Variants in SLC24A2 observed in about 807,000 individuals in gnomAD.
The protein encoded by SLC24A2 is sodium/potassium/calcium exchanger 2.
SLC24A2 carries 36 observed loss-of-function variants against 62.0 expected under a neutral mutation model. The ratio of observed to expected loss-of-function variants is 0.58; its 90% CI spans 0.44 to 0.77. SLC24A2 has a LOEUF of 0.77. SLC24A2 is among the 30% of genes least tolerant of loss of function. SLC24A2 has a pLI of 0.00. For synonymous variants in SLC24A2, 358 were observed against 294.0 expected (o/e 1.22, Z -2.23); for missense variants, 846 against 817.9 (o/e 1.03, Z -0.42).
At chr9:19,875,184 C>T in the SLC24A2 span, among the ~76,000 whole-genome samples, 1 of 152,130 alleles carries the variant, frequency 6.6e-6, no homozygotes, top group African/African-American at 2.4e-5. Flanking sequence ...ACAAGCTTTC[C>T]TTTTCTCTCT....
At chr9:19,917,695 A>T in the SLC24A2 span, among the ~76,000 whole-genome samples, 1 of 152,116 alleles carries the variant, frequency 6.6e-6, no homozygotes, top group African/African-American at 2.4e-5. Context: ...AATACTTAAC[A>T]AACGTTTCAA....
At chr9:20,230,628 T>C in the SLC24A2 span, among the ~76,000 whole-genome samples, 1 of 152,240 alleles carries the variant, frequency 6.6e-6, no homozygotes, top group Non-Finnish European at 1.5e-5. Context: ...AGATTCTGGA[T>C]ATTAGCCCTT....
chr9:19,694,703 A>C (rs1239333224), intron 2 of SLC24A2, among the ~76,000 whole-genome samples: 1 of 152,204 alleles, frequency 6.6e-6, no homozygotes, highest in Non-Finnish European at 1.5e-5. Context: ...ACTTCATGGC[A>C]ATATTAGTTA....
At chr9:19,939,754 A>G in the SLC24A2 span, among the ~76,000 whole-genome samples, 1 of 152,222 alleles carries the variant, frequency 6.6e-6, no homozygotes, top group Non-Finnish European at 1.5e-5. Flanking sequence ...CCACTGTCCT[A>G]CAAGTGGTCT....
At chr9:19,790,479 G>C (rs1823302387), upstream of SLC24A2, among the ~76,000 whole-genome samples, 1 of 148,176 alleles carries the variant, frequency 6.7e-6, no homozygotes, top group Admixed American at 6.8e-5. Flanking sequence ...TGTCAAGAAG[G>C]GGACAATTCA....
chr9:19,578,944 T>C (rs1054961204), intron 5 of SLC24A2, among the ~76,000 whole-genome samples: 3 of 152,202 alleles, frequency 2.0e-5, no homozygotes, highest in Admixed American at 2.0e-4. Flanking sequence ...TGTGCACCAC[T>C]GAGTACACTC....
the SLC24A2 span, among the ~76,000 whole-genome samples, chr9:20,141,558 G>A: frequency 2.0e-5 from 3 of 151,396 alleles, no homozygotes; most frequent in African/African-American, 7.3e-5. Flanking sequence ...TTAATTAACT[G>A]TCATCTGGCT....
intron 5 of SLC24A2, among the ~76,000 whole-genome samples, chr9:19,580,592 C>G (rs953187890): frequency 2.0e-5 from 3 of 152,226 alleles, no homozygotes; most frequent in Non-Finnish European, 4.4e-5. Flanking sequence ...TTTTCAGGAT[C>G]TGTTCATTCC....
intron 2 of SLC24A2, among the ~76,000 whole-genome samples, chr9:19,733,431 C>T (rs1268088191): frequency 6.6e-6 from 1 of 152,196 alleles, no homozygotes; most frequent in African/African-American, 2.4e-5. Context: ...TGCCTCCTCA[C>T]ACCTTTAAGT....
chr9:19,917,806 C>G, the SLC24A2 span, among the ~76,000 whole-genome samples: 1 of 152,000 alleles, frequency 6.6e-6, no homozygotes, highest in Non-Finnish European at 1.5e-5. Context: ...ATTACGTTGT[C>G]TCTTCATTTC....
chr9:19,990,608 T>TA, the SLC24A2 span, among the ~76,000 whole-genome samples: 6 of 41,994 alleles, frequency 1.4e-4, no homozygotes, highest in African/African-American at 6.4e-4. Flanking sequence ...AGACTCCACC[T>TA]AAAAAAACAA....
At chr9:19,696,979 C>T (rs902798472) in intron 2 of SLC24A2, among the ~76,000 whole-genome samples, 1 of 151,956 alleles carries the variant, frequency 6.6e-6, no homozygotes, top group Non-Finnish European at 1.5e-5. Context: ...CATCATATGC[C>T]ATGTCGAGCT....
chr9:19,889,220 T>C, the SLC24A2 span, among the ~76,000 whole-genome samples: 1 of 152,220 alleles, frequency 6.6e-6, no homozygotes, highest in African/African-American at 2.4e-5. Context: ...CTGGGACTTG[T>C]AGCTTCAGCT....
intron 2 of SLC24A2, among the ~76,000 whole-genome samples, chr9:19,698,056 T>C (rs567734993): frequency 6.6e-6 from 1 of 152,294 alleles, no homozygotes; most frequent in East Asian, 1.9e-4. Flanking sequence ...TATTGAAATT[T>C]ATCTTATTTA....
intron 9 of SLC24A2, among the ~76,000 whole-genome samples, chr9:19,525,292 ATTC>A (rs780601490): frequency 1.3e-5 from 2 of 148,660 alleles, no homozygotes; most frequent in Non-Finnish European, 3.0e-5. Flanking sequence ...AGTAACATGT[ATTC>A]TTTTAAAAAC....
At chr9:20,285,441 T>C in the SLC24A2 span, among the ~76,000 whole-genome samples, 2 of 152,316 alleles carry the variant, frequency 1.3e-5, no homozygotes, top group East Asian at 3.9e-4. Flanking sequence ...CAGGATGAAC[T>C]GATGTTTCAG....
At chr9:19,707,920 G>A (rs1002274095) in intron 2 of SLC24A2, among the ~76,000 whole-genome samples, 1 of 152,122 alleles carries the variant, frequency 6.6e-6, no homozygotes, top group African/African-American at 2.4e-5. Context: ...TTAGGCAGGA[G>A]AAGGAAATAA....
chr9:20,020,100 G>C, the SLC24A2 span, among the ~76,000 whole-genome samples: 3 of 152,168 alleles, frequency 2.0e-5, no homozygotes, highest in African/African-American at 7.2e-5. Flanking sequence ...TGGACAAATA[G>C]GAACGCTCTT....
intron 2 of SLC24A2, among the ~76,000 whole-genome samples, chr9:19,732,032 G>T (rs1274471685): frequency 1.3e-5 from 2 of 152,274 alleles, no homozygotes; most frequent in African/African-American, 4.8e-5. Context: ...GTTGGCACAT[G>T]GCAGGTGCTC....
Sources: gnomAD v4.1 joint callset for allele counts (sites outside exome capture counted in the v4.1 genomes callset) on GRCh38, gnomAD v4.1.1 for gene constraint, MANE v1.5 for transcripts, NCBI Gene and HGNC (gene_info 2026-07-23, HGNC 2026-07-21) for gene names.